The following INSYN2B variants were observed in gnomAD, a reference collection of about 807,000 sequenced individuals.
INSYN2B encodes protein INSYN2B.
Under a neutral mutation model 41.2 loss-of-function variants are expected in INSYN2B, and 16 were observed. That is an observed-to-expected ratio of 0.39 (90% CI 0.26 to 0.59). The LOEUF (loss-of-function observed/expected upper bound fraction) is 0.59, where lower values mean the gene tolerates loss of function less well. Among genes scored for constraint, INSYN2B ranks in the 20% least tolerant of loss-of-function variants. The pLI is 0.57. For missense variants in INSYN2B, 608 were observed against 646.4 expected (o/e 0.94, Z 0.64); for synonymous variants, 245 against 244.4 (o/e 1.00, Z -0.02).
chr5:169,922,944 A>G (rs935141190), intron 1 of INSYN2B, among the ~76,000 whole-genome samples: 4 of 152,240 alleles, frequency 2.6e-5, no homozygotes, highest in Non-Finnish European at 5.9e-5. Flanking sequence ...CATTACAGGC[A>G]AGCTTCTAAG....
At chr5:169,929,419 C>T (rs1775634694) in intron 1 of INSYN2B, among the ~76,000 whole-genome samples, 1 of 152,096 alleles carries the variant, frequency 6.6e-6, no homozygotes, top group Non-Finnish European at 1.5e-5. Flanking sequence ...CTTATCTTGC[C>T]ATGGGATGAG....
intron 1 of INSYN2B, among the ~76,000 whole-genome samples, chr5:169,945,031 A>G (rs1776389518): frequency 6.6e-6 from 1 of 152,226 alleles, no homozygotes. Context: ...ACAACTTCAG[A>G]GGTGTCTTCT....
At chr5:169,968,345 C>T (rs1329358442) in intron 1 of INSYN2B, among the ~76,000 whole-genome samples, 2 of 152,148 alleles carry the variant, frequency 1.3e-5, no homozygotes. Context: ...GGAGTCCAGC[C>T]ACTCCCCTCC....
chr5:169,929,024 C>A (rs111640147), intron 1 of INSYN2B, among the ~76,000 whole-genome samples: 12 of 152,268 alleles, frequency 7.9e-5, no homozygotes, highest in African/African-American at 2.9e-4. Context: ...CATCTTTGTG[C>A]CCTGAGAAGA....
intron 3 of INSYN2B, chr5:169,875,224 A>G (rs1690008242): frequency 2.2e-6 from 1 of 456,574 alleles, no homozygotes; most frequent in Non-Finnish European, 4.4e-6. Flanking sequence ...AACCATTCCC[A>G]GGGAGCTTGC....
chr5:169,874,432 A>AG (rs1491484811), intron 3 of INSYN2B, among the ~76,000 whole-genome samples: 1 of 140,778 alleles, frequency 7.1e-6, no homozygotes, highest in Admixed American at 7.0e-5. Flanking sequence ...AAAAAAAAAA[A>AG]GCAATTGGTG....
intron 1 of INSYN2B, among the ~76,000 whole-genome samples, chr5:169,886,552 T>C (rs942890622): frequency 1.3e-5 from 2 of 152,198 alleles, no homozygotes; most frequent in East Asian, 1.9e-4. Context: ...ATAATAGTTA[T>C]TTTCATTAAT....
At chr5:169,876,068 G>T (rs181453285) in intron 3 of INSYN2B, among the ~76,000 whole-genome samples, 1 of 152,234 alleles carries the variant, frequency 6.6e-6, no homozygotes, top group African/African-American at 2.4e-5. Context: ...TCTCACTTTT[G>T]GGGTCTGCCA....
intron 1 of INSYN2B, among the ~76,000 whole-genome samples, chr5:169,930,420 G>A (rs1775695005): frequency 6.6e-6 from 1 of 152,158 alleles, no homozygotes; most frequent in South Asian, 2.1e-4. Context: ...AGCCTCTTAG[G>A]GTAATGTGTG....
intron 1 of INSYN2B, among the ~76,000 whole-genome samples, chr5:169,964,342 A>G (rs1238616931): frequency 6.6e-6 from 1 of 152,194 alleles, no homozygotes; most frequent in Non-Finnish European, 1.5e-5. Flanking sequence ...AGCTCAGACT[A>G]TAAATTTCTT....
rs1349102128 is a variant in INSYN2B at position 169,883,355 on chromosome 5, G to A, written c.544C>T (p.Pro182Ser). ...CCTGCTTCCAAGCATATGCTAACAG[G>A]ACCATTGCTTTGCACCTTGGGGACC... is the stretch of plus-strand genomic sequence containing the variant. ...PRVPKVQSNG[P>S]VSICLEAGTW... Residue 182 changes from proline (P) to serine (S), a missense_variant, in exon 2 of 4, where the codon CCT becomes TCT. Physicochemically the swap from Pro to Ser is moderately conservative, Grantham distance 74 (BLOSUM62 -1). Transcript: ENST00000377365. 1 of 1,551,662 alleles carries A rather than the reference G, an allele frequency of 6.4e-7. No individual in the cohort carries two copies.
intron 1 of INSYN2B, among the ~76,000 whole-genome samples, chr5:169,946,317 A>G (rs539020958): frequency 6.6e-6 from 1 of 152,164 alleles, no homozygotes; most frequent in Non-Finnish European, 1.5e-5. Flanking sequence ...ATCTGAGGGA[A>G]GTGGTGTGTT....
intron 1 of INSYN2B, among the ~76,000 whole-genome samples, chr5:169,964,614 G>A (rs1777227118): frequency 6.6e-6 from 1 of 152,218 alleles, no homozygotes; most frequent in Admixed American, 6.5e-5. Context: ...AAGGGGCCAT[G>A]GTCAAAGTTG....
In INSYN2B at chr5:169,864,351, T is replaced by C; in HGVS notation, c.1530A>G (p.Ala510=). ...EEASPPPKSP[A]EPPAPEKQDL... The stretch of plus-strand genomic sequence containing the variant: ...CCTGCTTTTCCGGGGCTGGGGGTTC[T>C]GCTGGGGACTTTGGTGGGGGCGATG... Residue 510 remains alanine, a synonymous_variant, in exon 4 of 4, where the codon GCA becomes GCG. Transcript: ENST00000377365. 3 of 1,551,624 alleles carry C rather than the reference T, an allele frequency of 1.9e-6. No homozygotes were observed. Among genetic ancestry groups the C allele is most frequent in the Non-Finnish European group, 2.6e-6 (3 of 1,146,920 alleles).
At chr5:169,904,858 A>G (rs975639148) in intron 1 of INSYN2B, among the ~76,000 whole-genome samples, 3 of 152,106 alleles carry the variant, frequency 2.0e-5, no homozygotes, top group African/African-American at 7.2e-5. Flanking sequence ...CCAGAAGACT[A>G]TGGCACCTTC....
chr5:169,871,948 G>T (rs192688469), intron 3 of INSYN2B, among the ~76,000 whole-genome samples: 83 of 152,310 alleles, frequency 5.4e-4, no homozygotes, highest in African/African-American at 1.6e-3. Context: ...CAGCAATCTT[G>T]GGTCTGGTAT....
intron 1 of INSYN2B, among the ~76,000 whole-genome samples, chr5:169,978,394 G>GTGT (rs1561863716): frequency 1.2e-4 from 12 of 99,350 alleles, no homozygotes; most frequent in African/African-American, 6.2e-4. Flanking sequence ...TGTGTGTGTG[G>GTGT]GGGGGGGGGG....
chr5:169,873,481 T>A (rs1031068963), intron 3 of INSYN2B, among the ~76,000 whole-genome samples: 4 of 152,242 alleles, frequency 2.6e-5, no homozygotes, highest in African/African-American at 9.6e-5. Context: ...TGCAAATGCA[T>A]CTGTGATTAC....
intron 1 of INSYN2B, among the ~76,000 whole-genome samples, chr5:169,919,759 C>A (rs989785975): frequency 1.3e-5 from 2 of 152,104 alleles, no homozygotes; most frequent in Non-Finnish European, 2.9e-5. Flanking sequence ...AATGTGGGGG[C>A]AACTGGAAGC....
Sources: allele counts gnomAD v4.1 joint callset (sites outside exome capture counted in the v4.1 genomes callset), GRCh38; gene constraint gnomAD v4.1.1; transcripts MANE v1.5; gene names NCBI Gene and HGNC (gene_info 2026-07-23, HGNC 2026-07-21).